PI4K2B: variants seen among roughly 807,000 people sequenced by gnomAD.
The protein encoded by PI4K2B is phosphatidylinositol 4-kinase type 2-beta.
Under a neutral mutation model 56.6 loss-of-function variants are expected in PI4K2B, and 46 were observed. That is an observed-to-expected ratio of 0.81 (90% CI 0.64 to 1.04). The LOEUF is 1.04. Among genes scored for constraint, PI4K2B ranks in the 50% least tolerant of loss-of-function variants. The pLI, the probability that PI4K2B is intolerant of heterozygous loss-of-function variation, is 0.00. For synonymous variants in PI4K2B, 211 were observed against 223.8 expected (o/e 0.94, Z 0.51); for missense variants, 556 against 607.7 (o/e 0.91, Z 0.89).
At chr4:25,265,890 A>G (rs762035728) in intron 7 of PI4K2B, among the ~76,000 whole-genome samples, 5 of 152,198 alleles carry the variant, frequency 3.3e-5, no homozygotes, top group Non-Finnish European at 7.3e-5. Context: ...TTTTCTGACT[A>G]TTTAATCTGT....
At chr4:25,237,641 C>T (rs927096069) in intron 1 of PI4K2B, among the ~76,000 whole-genome samples, 2 of 152,202 alleles carry the variant, frequency 1.3e-5, no homozygotes, top group African/African-American at 2.4e-5. Context: ...ACTGAGATTA[C>T]AAGGCCACCA....
At chr4:25,234,952 G>A (rs1005229941) in intron 1 of PI4K2B, among the ~76,000 whole-genome samples, 1 of 152,256 alleles carries the variant, frequency 6.6e-6, no homozygotes, top group South Asian at 2.1e-4. Context: ...GCAGTTGAAA[G>A]TCTGTTCCTG....
intron 1 of PI4K2B, among the ~76,000 whole-genome samples, chr4:25,247,490 A>G (rs1034937208): frequency 4.6e-5 from 7 of 152,234 alleles, no homozygotes; most frequent in African/African-American, 1.7e-4. Flanking sequence ...TTACAGCTTT[A>G]TAGCCTAATG....
At chr4:25,241,591 C>T (rs943895324) in intron 1 of PI4K2B, among the ~76,000 whole-genome samples, 5 of 152,164 alleles carry the variant, frequency 3.3e-5, no homozygotes, top group African/African-American at 9.7e-5. Context: ...CCATAAACTT[C>T]CTTTGGCACC....
At chr4:25,271,111 A>G (rs1435213786) in intron 9 of PI4K2B, among the ~76,000 whole-genome samples, 2 of 152,244 alleles carry the variant, frequency 1.3e-5, no homozygotes, top group Non-Finnish European at 2.9e-5. Flanking sequence ...TAGCTCACGC[A>G]TCTCTCTGCT....
intron 1 of PI4K2B, among the ~76,000 whole-genome samples, chr4:25,243,394 G>A (rs1023049651): frequency 5.3e-5 from 8 of 152,224 alleles, no homozygotes. Flanking sequence ...CTGATAACAA[G>A]CCCTACCGGG....
chr4:25,268,576 G>A lies in PI4K2B; in HGVS notation c.1212G>A (p.Lys404=). 6.4e-7 allele frequency: 1 copy of A among 1,557,242 alleles called. No homozygotes were observed. The highest frequency in any genetic ancestry group is 8.7e-7 in the Non-Finnish European group (1 of 1,145,652). ...GTGAAGATCTCTATGAACTTTTTAA[G>A]GTAAGTTAATGCTTAGTTTGATTAT... ...DLCEDLYELF[K]TDKGFDKATF... is the part of the protein sequence containing the mutation. The change falls in exon 8 of 10, where the codon AAG becomes AAA. Residue 404 remains lysine, a splice_region_variant and synonymous_variant. Transcript: ENST00000264864.
At chr4:25,237,803 A>G (rs1283266159) in intron 1 of PI4K2B, among the ~76,000 whole-genome samples, 1 of 152,184 alleles carries the variant, frequency 6.6e-6, no homozygotes, top group South Asian at 2.1e-4. Flanking sequence ...GCTTGAGTCC[A>G]TGAGTTTCAG....
intron 1 of PI4K2B, among the ~76,000 whole-genome samples, chr4:25,239,209 G>A (rs564299400): frequency 1.1e-4 from 17 of 152,332 alleles, no homozygotes; most frequent in Admixed American, 1.3e-4. Context: ...GGCCACAGGT[G>A]GAGCTGCCTG....
intron 3 of PI4K2B, among the ~76,000 whole-genome samples, chr4:25,255,473 A>T (rs1413034386): frequency 6.6e-6 from 1 of 152,154 alleles, no homozygotes; most frequent in Non-Finnish European, 1.5e-5. Context: ...TCTCTGTGAG[A>T]TCTGACGATG....
chr4:25,268,339 C>T, intron 7 of PI4K2B, 104 bp from the exon 8 acceptor site: 1 of 922,898 alleles, frequency 1.1e-6, no homozygotes, highest in Non-Finnish European at 1.7e-6. Flanking sequence ...TTATCCTGTC[C>T]TTTTTTGGGG....
At chr4:25,257,417 C>G (rs1716302076) in intron 4 of PI4K2B, among the ~76,000 whole-genome samples, 1 of 152,114 alleles carries the variant, frequency 6.6e-6, no homozygotes, top group South Asian at 2.1e-4. Flanking sequence ...AAAACTACCT[C>G]TTAGGTTGTT....
intron 9 of PI4K2B, chr4:25,276,549 G>A (rs1407347335): frequency 1.6e-6 from 1 of 607,878 alleles, no homozygotes; most frequent in East Asian, 1.4e-4. Context: ...TTTAACTATT[G>A]TATCCCTAGC....
chr4:25,276,907 A>G (rs1225957397), intron 9 of PI4K2B, 107 bp from the exon 10 acceptor site: 1 of 1,402,078 alleles, frequency 7.1e-7, no homozygotes, highest in African/African-American at 1.4e-5. Context: ...TCTGTTGCTC[A>G]TAAATGGATG....
chr4:25,234,258 G>T lies in PI4K2B; in HGVS notation c.95G>T (p.Arg32Leu). Reference protein sequence around the residue: ...EDGEREPLLPRIAWAHPRRGA... With the variant: ...EDGEREPLLPLIAWAHPRRGA... ...GGGGAGCGGGAGCCGCTGCTACCGC[G>T]GATCGCCTGGGCCCACCCGCGGAGA... is the stretch of plus-strand genomic sequence containing the variant. The change falls in exon 1 of 10, where the codon CGG becomes CTG. Residue 32 changes from arginine (R) to leucine (L), a missense_variant. Arg to Leu is a moderately radical substitution (Grantham distance 102). Coordinates refer to ENST00000264864, the MANE Select transcript of PI4K2B (RefSeq NM_018323.4). 1 of 1,425,136 alleles carries T rather than the reference G, an allele frequency of 7.0e-7. No individual in the cohort carries two copies. Among genetic ancestry groups the T allele is most frequent in the East Asian group, 3.0e-5 (1 of 32,800 alleles). The allele number at this position is 1,425,136 out of a possible 1,614,324, so 88.3% of individuals were successfully genotyped here. A position where few individuals can be genotyped will look rare whatever the true frequency, so the allele number is the denominator to read the frequency against.
Position 25,260,551 on chromosome 4 carries a change from G to T in PI4K2B, c.938G>T (p.Arg313Ile). ...AGGGGCAATGATAATTGGTTAGTCA[G>T]ATACGAAAAGCAGAAATGTGAAAAG... ...TDRGNDNWLV[R>I]YEKQKCEKEI... Residue 313 changes from arginine to isoleucine, a missense_variant, in exon 6 of 10, where the codon AGA becomes ATA. By Grantham distance (97) the Arg-to-Ile change is moderately conservative. Coordinates refer to ENST00000264864, the MANE Select transcript of PI4K2B (RefSeq NM_018323.4). The T allele has an allele frequency of 7.0e-7, 1 of 1,435,976 alleles. No individual in the cohort carries two copies. Among genetic ancestry groups the T allele is most frequent in the South Asian group, 1.6e-5 (1 of 61,000 alleles). The allele number at this position is 1,435,976 out of a possible 1,614,324, so 89.0% of individuals were successfully genotyped here. A position where few individuals can be genotyped will look rare whatever the true frequency, so the allele number is the denominator to read the frequency against.
Position 25,277,272 on chromosome 4 carries a change from T to A in PI4K2B, c.*85T>A. The stretch of plus-strand genomic sequence containing the variant: ...GTAATATAAATCTGCTGTTAGGAGC[T>A]CCAGTTGCTAAAACCTCAATTTAAG... On this transcript the variant is annotated 3_prime_UTR_variant, in exon 10 of 10. Coordinates refer to ENST00000264864, the MANE Select transcript of PI4K2B (RefSeq NM_018323.4). The A allele has an allele frequency of 7.1e-7, 1 of 1,406,296 alleles. No homozygotes were observed. Among genetic ancestry groups the A allele is most frequent in the Non-Finnish European group, 9.4e-7 (1 of 1,065,656 alleles). 87.1% of individuals were successfully genotyped at this position (1,406,296 alleles called of 1,614,324 possible). A position where few individuals can be genotyped will look rare whatever the true frequency, so the allele number is the denominator to read the frequency against.
chr4:25,258,062 A>G (rs948117952), intron 4 of PI4K2B, among the ~76,000 whole-genome samples: 4 of 152,228 alleles, frequency 2.6e-5, no homozygotes, highest in Non-Finnish European at 5.9e-5. Context: ...TTTACTATTA[A>G]CTAGTAATCT....
rs779679464 is a variant in PI4K2B at position 25,259,034 on chromosome 4, T to G, written c.757-3T>G. On this transcript the variant is annotated splice_region_variant and splice_polypyrimidine_tract_variant and intron_variant, in intron 4 of 9. Coordinates refer to ENST00000264864, the MANE Select transcript of PI4K2B (RefSeq NM_018323.4). ...TTTCTAACTATAGTTCTTAAAATTA[T>G]AGATTGGTTCCTTTCAGTTATTTGT... 6.8e-7 allele frequency: 1 copy of G among 1,476,706 alleles called. No individual in the cohort carries two copies. The highest frequency in any genetic ancestry group is 1.4e-5 in the African/African-American group (1 of 71,028). 91.5% of individuals were successfully genotyped at this position (1,476,706 alleles called of 1,614,324 possible). A position where few individuals can be genotyped will look rare whatever the true frequency, so the allele number is the denominator to read the frequency against.
Sources: allele counts gnomAD v4.1 joint callset (sites outside exome capture counted in the v4.1 genomes callset), GRCh38; gene constraint gnomAD v4.1.1; transcripts MANE v1.5; gene names NCBI Gene and HGNC (gene_info 2026-07-23, HGNC 2026-07-21).